Variants in WWOX observed in about 807,000 individuals in gnomAD.
WWOX encodes the protein WW domain containing oxidoreductase.
Under a neutral mutation model 46.2 loss-of-function variants are expected in WWOX, and 69 were observed. The ratio of observed to expected loss-of-function variants is 1.49; its 90% CI spans 1.23 to 1.82. The LOEUF (loss-of-function observed/expected upper bound fraction) is 1.82. Among genes scored for constraint, WWOX ranks in the 40% most tolerant of loss-of-function variants. The probability of loss-of-function intolerance (pLI) is 0.00; values close to 1 mark genes in which losing one functional copy is unlikely to be tolerated. For synonymous variants in WWOX, 359 were observed against 202.6 expected, an observed-to-expected ratio of 1.77 and a Z score of -6.56; for missense variants, 919 against 542.6, an observed-to-expected ratio of 1.69 and a Z score of -6.89.
At chr16:78,941,654 C>T (rs911418619) in intron 8 of WWOX, among the ~76,000 whole-genome samples, 2 of 152,076 alleles carry the variant, frequency 1.3e-5, no homozygotes, top group East Asian at 3.9e-4. Context: ...TTTGTTATTC[C>T]TGCAGTACAT....
intron 8 of WWOX, among the ~76,000 whole-genome samples, chr16:78,796,210 G>C (rs2050733520): frequency 6.6e-6 from 1 of 152,206 alleles, no homozygotes; most frequent in Admixed American, 6.5e-5. Flanking sequence ...ATTGCTTGCT[G>C]AAGTAACAAT....
chr16:78,742,887 G>A (rs2049263547), intron 8 of WWOX, among the ~76,000 whole-genome samples: 1 of 152,146 alleles, frequency 6.6e-6, no homozygotes. Context: ...GTAGGGTCTG[G>A]TCAAGGAAAG....
rs560578203 is a variant in WWOX, at chr16:78,350,621, A to T, written c.517-36239A>T. Among the ~76,000 whole-genome samples, 214 of 121,334 alleles carry T rather than the reference A, an allele frequency of 1.8e-3. 43 individuals carry two copies. Among genetic ancestry groups the T allele is most frequent in the African/African-American group, 5.8e-3 (207 of 35,880 alleles). The allele number at this position is 121,334 out of a possible 152,430, so 79.6% of individuals were successfully genotyped here. A position where few individuals can be genotyped will look rare whatever the true frequency, so the allele number is the denominator to read the frequency against. On this transcript the variant is annotated intron_variant, in intron 5 of 8. Coordinates refer to ENST00000566780, the MANE Select transcript of WWOX (RefSeq NM_016373.4). ...TGTTTTCAAGGGTCATTCATGTTGT[A>T]GCATGTATCAGTACTTCTTTTTTTA...
chr16:78,888,245 G>C (rs550164882), intron 8 of WWOX, among the ~76,000 whole-genome samples: 3 of 152,266 alleles, frequency 2.0e-5, no homozygotes, highest in South Asian at 2.1e-4. Context: ...TTTGTGCTTT[G>C]CTTCTCCCTT....
At chr16:78,272,644 A>G (rs993919153) in intron 5 of WWOX, among the ~76,000 whole-genome samples, 4 of 152,234 alleles carry the variant, frequency 2.6e-5, no homozygotes, top group African/African-American at 9.7e-5. Flanking sequence ...AAACTTTCTG[A>G]TGATTAAGTG....
intron 4 of WWOX, 62 bp downstream of exon 4, chr16:78,115,216 G>A (rs1210952606): frequency 6.3e-6 from 10 of 1,595,096 alleles, no homozygotes; most frequent in Admixed American, 5.0e-5. Context: ...CTTAGATCTA[G>A]CTATAATGGA....
At chr16:78,972,830 A>T (rs1213757023) in intron 8 of WWOX, among the ~76,000 whole-genome samples, 2 of 152,194 alleles carry the variant, frequency 1.3e-5, no homozygotes, top group Non-Finnish European at 1.5e-5. Flanking sequence ...AACTTAGAAC[A>T]GACCCATTTA....
At chr16:78,687,159 T>C (rs766407986) in intron 8 of WWOX, among the ~76,000 whole-genome samples, 1 of 152,192 alleles carries the variant, frequency 6.6e-6, no homozygotes, top group Non-Finnish European at 1.5e-5. Context: ...AAATTAGCAG[T>C]GTTTCATATT....
intron 8 of WWOX, among the ~76,000 whole-genome samples, chr16:79,145,290 C>T (rs1350232865): frequency 6.6e-6 from 1 of 152,120 alleles, no homozygotes; most frequent in Non-Finnish European, 1.5e-5. Flanking sequence ...ATAAAGCCAA[C>T]CAACCAACGA....
At chr16:79,182,969 A>G (rs1333871823) in intron 8 of WWOX, among the ~76,000 whole-genome samples, 1 of 152,190 alleles carries the variant, frequency 6.6e-6, no homozygotes, top group Non-Finnish European at 1.5e-5. Context: ...CTAAGAAGGT[A>G]AAGACATGTA....
At chr16:78,480,949 A>G (rs1389040914) in intron 8 of WWOX, among the ~76,000 whole-genome samples, 1 of 152,242 alleles carries the variant, frequency 6.6e-6, no homozygotes, top group Non-Finnish European at 1.5e-5. Flanking sequence ...TTCTTAGAAT[A>G]GCAAATAGTA....
chr16:78,537,158 C>T (rs1377280161), intron 8 of WWOX, among the ~76,000 whole-genome samples: 1 of 152,096 alleles, frequency 6.6e-6, no homozygotes, highest in African/African-American at 2.4e-5. Flanking sequence ...CTCAGGTGAT[C>T]TGCCTGCCTC....
intron 8 of WWOX, among the ~76,000 whole-genome samples, chr16:79,039,491 G>A (rs140220190): frequency 1.3e-3 from 200 of 152,272 alleles, no homozygotes; most frequent in African/African-American, 4.2e-3. Context: ...TTTGCCCATC[G>A]TAAAGGCTGA....
intron 8 of WWOX, among the ~76,000 whole-genome samples, chr16:79,008,053 C>G (rs147197985): frequency 1.3e-5 from 2 of 152,330 alleles, no homozygotes; most frequent in East Asian, 3.9e-4. Flanking sequence ...TCTCATGAGG[C>G]TGAAATCAAA....
chr16:78,143,915 T>A (rs2034076241), intron 4 of WWOX, among the ~76,000 whole-genome samples: 1 of 152,138 alleles, frequency 6.6e-6, no homozygotes, highest in Admixed American at 6.5e-5. Flanking sequence ...TTCTTTTTCT[T>A]AACACGGGGA....
intron 8 of WWOX, among the ~76,000 whole-genome samples, chr16:78,437,585 A>G (rs1355159223): frequency 6.6e-6 from 1 of 151,978 alleles, no homozygotes; most frequent in African/African-American, 2.4e-5. Flanking sequence ...CTTCTTCTTC[A>G]GATCCAGAGA....
chr16:78,392,452 C>T (rs554730773), intron 6 of WWOX, among the ~76,000 whole-genome samples: 51 of 151,670 alleles, frequency 3.4e-4, no homozygotes, highest in African/African-American at 1.2e-3. Context: ...TTATATATTA[C>T]AACGTAATAA....
At chr16:78,329,929 A>G (rs150766757) in intron 5 of WWOX, among the ~76,000 whole-genome samples, 2 of 151,966 alleles carry the variant, frequency 1.3e-5, no homozygotes, top group African/African-American at 2.4e-5. Flanking sequence ...TAGTTTTTGT[A>G]GAGACAAGTT....
chr16:78,690,039 T>C (rs1413401468), intron 8 of WWOX, among the ~76,000 whole-genome samples: 1 of 152,010 alleles, frequency 6.6e-6, no homozygotes, highest in African/African-American at 2.4e-5. Flanking sequence ...TTTTGTATTT[T>C]TAGTAGAGAT....
Sources: gnomAD v4.1 joint callset for allele counts (sites outside exome capture counted in the v4.1 genomes callset) on GRCh38, gnomAD v4.1.1 for gene constraint, MANE v1.5 for transcripts, NCBI Gene and HGNC (gene_info 2026-07-23, HGNC 2026-07-21) for gene names.